Variants in GMDS observed in about 807,000 individuals in gnomAD.
GMDS encodes GDP-mannose 4,6-dehydratase.
In GMDS, 20 loss-of-function variants were observed where a neutral mutation model predicts 49.9. That is an observed-to-expected ratio of 0.40 (90% CI 0.28 to 0.58). The LOEUF (loss-of-function observed/expected upper bound fraction) is 0.58, where lower values mean the gene tolerates loss of function less well. GMDS is among the 20% of genes least tolerant of loss of function. The pLI is 0.42. For synonymous variants in GMDS, 177 were observed against 178.6 expected (o/e 0.99, Z 0.07); for missense variants, 362 against 481.4 (o/e 0.75, Z 2.32).
At chr6:1,974,354 G>T (rs1764777938) in intron 4 of GMDS, among the ~76,000 whole-genome samples, 1 of 152,092 alleles carries the variant, frequency 6.6e-6, no homozygotes, top group African/African-American at 2.4e-5. Context: ...ACAAAATGGA[G>T]TAAAATTAAA....
At chr6:1,801,795 A>C (rs1486419560) in intron 7 of GMDS, among the ~76,000 whole-genome samples, 1 of 152,228 alleles carries the variant, frequency 6.6e-6, no homozygotes, top group Non-Finnish European at 1.5e-5. Context: ...GAAAGTTGGA[A>C]TTCTGTCCAC....
intron 7 of GMDS, among the ~76,000 whole-genome samples, chr6:1,856,941 T>C (rs1757962434): frequency 6.6e-6 from 1 of 152,160 alleles, no homozygotes; most frequent in Non-Finnish European, 1.5e-5. Context: ...CCTTGTGAGT[T>C]TGTAAGTTTT....
chr6:2,040,759 A>G (rs573445613), intron 4 of GMDS, among the ~76,000 whole-genome samples: 6 of 152,318 alleles, frequency 3.9e-5, no homozygotes, highest in Non-Finnish European at 8.8e-5. Context: ...GAAGCAGGTC[A>G]TAAAACTCTC....
intron 7 of GMDS, among the ~76,000 whole-genome samples, chr6:1,862,112 C>T (rs1758216925): frequency 6.6e-6 from 1 of 152,120 alleles, no homozygotes; most frequent in South Asian, 2.1e-4. Context: ...CAGACAATAA[C>T]TAGAACAGGA....
intron 7 of GMDS, among the ~76,000 whole-genome samples, chr6:1,851,593 T>C (rs1757675024): frequency 6.6e-6 from 1 of 152,166 alleles, no homozygotes; most frequent in African/African-American, 2.4e-5. Flanking sequence ...ATACATTTAA[T>C]AAGGGGACTG....
intron 1 of GMDS, among the ~76,000 whole-genome samples, chr6:2,186,054 G>C (rs1272213137): frequency 6.6e-6 from 1 of 152,106 alleles, no homozygotes; most frequent in African/African-American, 2.4e-5. Context: ...TCCCAAACTT[G>C]GCTAGGCTTC....
chr6:2,143,204 G>A (rs1294945098), intron 1 of GMDS, among the ~76,000 whole-genome samples: 2 of 152,186 alleles, frequency 1.3e-5, no homozygotes, highest in African/African-American at 2.4e-5. Context: ...ACACGCCAAT[G>A]CCCTGATGAT....
chr6:2,005,439 T>G (rs966889655), intron 4 of GMDS, among the ~76,000 whole-genome samples: 1 of 152,170 alleles, frequency 6.6e-6, no homozygotes, highest in African/African-American at 2.4e-5. Flanking sequence ...TGTCTTGGAA[T>G]GGACAGAGCC....
intron 7 of GMDS, among the ~76,000 whole-genome samples, chr6:1,812,221 G>C (rs1215323341): frequency 6.6e-6 from 1 of 152,190 alleles, no homozygotes; most frequent in Non-Finnish European, 1.5e-5. Context: ...GGGAGAGGCT[G>C]TGTAGTCCAG....
intron 1 of GMDS, among the ~76,000 whole-genome samples, chr6:2,182,292 C>T (rs1238547053): frequency 6.6e-6 from 1 of 152,228 alleles, no homozygotes; most frequent in Non-Finnish European, 1.5e-5. Flanking sequence ...ATCTCCATAA[C>T]ATGAAAGTGT....
intron 9 of GMDS, among the ~76,000 whole-genome samples, chr6:1,691,334 GCA>G (rs992728768): frequency 2.6e-5 from 4 of 151,784 alleles, no homozygotes; most frequent in Admixed American, 6.6e-5. Context: ...ACGGGGAGGG[GCA>G]CACACACTGG....
intron 9 of GMDS, among the ~76,000 whole-genome samples, chr6:1,671,857 G>A (rs1464601543): frequency 6.6e-6 from 1 of 151,936 alleles, no homozygotes; most frequent in Non-Finnish European, 1.5e-5. Context: ...TAGAGACAGG[G>A]TTTCACCATG....
chr6:1,956,164 T>C (rs993220519), intron 6 of GMDS, among the ~76,000 whole-genome samples: 1 of 152,130 alleles, frequency 6.6e-6, no homozygotes, highest in African/African-American at 2.4e-5. Flanking sequence ...CAAGTGAAAG[T>C]TTTCTCGAAT....
At position 1,680,584 on chromosome 6, in the gene GMDS, C is replaced by T. The variant is rs2249249; in HGVS notation, c.987+45832G>A. On this transcript the variant is annotated intron_variant, in intron 9 of 10. Coordinates refer to ENST00000380815, the MANE Select transcript of GMDS (RefSeq NM_001500.4). ...GACCTTCTGGCCTCCCTCCCTTGGG[C>T]GCCCGGCCAGGACACGCAAGGTCAT... Among the ~76,000 whole-genome samples the T allele has an allele frequency of 3.0e-3, 452 of 152,278 alleles. 3 individuals are homozygous for T. Among genetic ancestry groups the T allele is most frequent in the African/African-American group, 0.01 (423 of 41,540 alleles).
chr6:1,756,357 G>A (rs1038819450), intron 7 of GMDS, among the ~76,000 whole-genome samples: 5 of 150,752 alleles, frequency 3.3e-5, no homozygotes, highest in African/African-American at 4.9e-5. Flanking sequence ...TCCGCCTCCC[G>A]TGTTCAAGCA....
At chr6:1,734,233 C>A (rs1323703506) in intron 8 of GMDS, among the ~76,000 whole-genome samples, 6 of 152,188 alleles carry the variant, frequency 3.9e-5, no homozygotes, top group African/African-American at 1.4e-4. Flanking sequence ...TGGCAGTACT[C>A]AGCCCAGGTG....
chr6:1,631,097 C>A (rs1226375126), intron 9 of GMDS, among the ~76,000 whole-genome samples: 1 of 152,112 alleles, frequency 6.6e-6, no homozygotes, highest in Non-Finnish European at 1.5e-5. Context: ...TTTGAGTGGA[C>A]CGATTAGGGA....
At position 2,186,332 on chromosome 6, in the gene GMDS, G is replaced by C. The variant is rs537190751; in HGVS notation, c.102+58989C>G. 2.0e-5 allele frequency among the ~76,000 whole-genome samples: 3 copies of C among 152,252 alleles called. No homozygotes were observed. In the East Asian group the frequency reaches 5.8e-4, roughly 29 times the overall value. Reference sequence around the variant, plus strand: ...TACTGTAATCAGGGGATATTTTTAAGTATCCCTTAAAATTAGCAAAAATAC... The same window carrying C: ...TACTGTAATCAGGGGATATTTTTAACTATCCCTTAAAATTAGCAAAAATAC... On this transcript the variant is annotated intron_variant, in intron 1 of 10. Transcript: ENST00000380815.
chr6:1,630,448 G>A (rs1762964771), intron 9 of GMDS, among the ~76,000 whole-genome samples: 1 of 152,234 alleles, frequency 6.6e-6, no homozygotes, highest in Non-Finnish European at 1.5e-5. Flanking sequence ...CCCACCTCCT[G>A]AGTGGGGCCC....
Sources: allele counts gnomAD v4.1 joint callset (sites outside exome capture counted in the v4.1 genomes callset), GRCh38; gene constraint gnomAD v4.1.1; transcripts MANE v1.5; gene names NCBI Gene and HGNC (gene_info 2026-07-23, HGNC 2026-07-21).